NUP98: variants seen among roughly 807,000 people sequenced by gnomAD.
NUP98 encodes nuclear pore complex protein Nup98-Nup96.
In NUP98, 26 loss-of-function variants were observed where a neutral mutation model predicts 191.9. The observed-to-expected ratio is 0.14, with a 90% CI of 0.10 to 0.19. The LOEUF is 0.19. NUP98 is among the 10% of genes least tolerant of loss of function. The pLI is 1.00. For synonymous variants in NUP98, 808 were observed against 778.4 expected, an observed-to-expected ratio of 1.04 and a Z score of -0.63; for missense variants, 1,941 against 2,178.8, an observed-to-expected ratio of 0.89 and a Z score of 2.17.
chr11:3,796,341 T>C (rs2082566094), intron 1 of NUP98, among the ~76,000 whole-genome samples: 2 of 152,212 alleles, frequency 1.3e-5, no homozygotes, highest in Non-Finnish European at 2.9e-5. Context: ...CCAGTACTGT[T>C]ATAAATCCCT....
At chr11:3,730,554 G>C (rs941421229) in intron 14 of NUP98, among the ~76,000 whole-genome samples, 1 of 152,018 alleles carries the variant, frequency 6.6e-6, no homozygotes, top group Non-Finnish European at 1.5e-5. Context: ...AGTAAAGACG[G>C]GGTTTCACCA....
At chr11:3,755,313 A>T (rs572767639) in intron 10 of NUP98, among the ~76,000 whole-genome samples, 132 of 151,768 alleles carry the variant, frequency 8.7e-4, no homozygotes, top group African/African-American at 2.8e-3. Flanking sequence ...AAAAAAAAAA[A>T]ATTAGCTGGC....
At chr11:3,691,796 C>T (rs991045489) in intron 27 of NUP98, among the ~76,000 whole-genome samples, 7 of 152,130 alleles carry the variant, frequency 4.6e-5, no homozygotes, top group Non-Finnish European at 1.0e-4. Flanking sequence ...TCAGGTGATA[C>T]GCCTGCCTTA....
At chr11:3,765,459 G>C (rs377043442) in intron 8 of NUP98, among the ~76,000 whole-genome samples, 85 of 152,162 alleles carry the variant, frequency 5.6e-4, no homozygotes, top group Middle Eastern at 6.8e-3. Context: ...TGTCTAACTA[G>C]GTTTCTTCTA....
intron 12 of NUP98, among the ~76,000 whole-genome samples, chr11:3,742,089 G>C (rs1296992679): frequency 1.3e-5 from 2 of 152,200 alleles, no homozygotes; most frequent in Non-Finnish European, 1.5e-5. Context: ...TGAAGGCCTA[G>C]AGAATAATCA....
chr11:3,701,321 G>A (rs2078671166), intron 23 of NUP98, among the ~76,000 whole-genome samples: 1 of 147,012 alleles, frequency 6.8e-6, no homozygotes, highest in Admixed American at 6.9e-5. Context: ...ATGCAGTAGC[G>A]TGATCTTGGC....
rs1040108 is a variant in NUP98 at position 3,773,205 on chromosome 11, C to A, written c.603+427G>T. ...TCGCTTGAGCTCAGGAGTCTGAGACCGGCCTGAGCAACATAGTGAGACCTC... is the reference window on the plus strand; with the variant it reads ...TCGCTTGAGCTCAGGAGTCTGAGACAGGCCTGAGCAACATAGTGAGACCTC... On this transcript the variant is annotated intron_variant, in intron 6 of 32. Coordinates refer to ENST00000324932, the MANE Select transcript of NUP98 (RefSeq NM_016320.5). Among the ~76,000 whole-genome samples, 610 of 152,022 alleles carry A rather than the reference C, an allele frequency of 4.0e-3. 1 individual carries two copies. Among genetic ancestry groups the A allele is most frequent in the African/African-American group, 0.014 (584 of 41,470 alleles).
chr11:3,745,181 AAATTC>A, intron 11 of NUP98, among the ~76,000 whole-genome samples: 1 of 152,290 alleles, frequency 6.6e-6, no homozygotes, highest in South Asian at 2.1e-4. Flanking sequence ...ATTATTCTTA[AAATTC>A]AATACTTGCA....
chr11:3,788,035 G>A (rs565074876), intron 1 of NUP98, among the ~76,000 whole-genome samples: 104 of 152,068 alleles, frequency 6.8e-4, no homozygotes, highest in African/African-American at 2.2e-3. Context: ...TTCCAACCCC[G>A]ATTACGTAAA....
intron 2 of NUP98, 29 bp from the exon 3 acceptor site, chr11:3,779,286 G>A: frequency 1.3e-6 from 2 of 1,499,326 alleles, no homozygotes; most frequent in South Asian, 1.1e-5. Context: ...GAGTAAATTA[G>A]AATTTAGAAT....
intron 4 of NUP98, among the ~76,000 whole-genome samples, chr11:3,777,269 C>A (rs2081764920): frequency 6.6e-6 from 1 of 152,108 alleles, no homozygotes; most frequent in South Asian, 2.1e-4. Flanking sequence ...AAAAATTACA[C>A]ATAAATGAAT....
At position 3,753,474 on chromosome 11, in the gene NUP98, G is replaced by GT; in HGVS notation, c.1175-67dup. On this transcript the variant is annotated intron_variant, in intron 10 of 32. Transcript: ENST00000324932. ...AACTCTCAATTTCCTCTATAAGGGA[G>GT]TTTAACACAAAGCAGTCTGACTTTA... The GT allele has an allele frequency of 3.2e-6, 4 of 1,241,864 alleles. No homozygotes were observed. The South Asian group carries it at 5.0e-5, about 16-fold the overall frequency. 76.9% of individuals were successfully genotyped at this position (1,241,864 alleles called of 1,614,324 possible).
chr11:3,789,778 A>G (rs2082273689), intron 1 of NUP98, among the ~76,000 whole-genome samples: 1 of 148,366 alleles, frequency 6.7e-6, no homozygotes. Context: ...CCATTTACTT[A>G]TTTTTTATTT....
intron 12 of NUP98, among the ~76,000 whole-genome samples, chr11:3,742,251 C>G (rs1418072465): frequency 6.6e-6 from 1 of 151,958 alleles, no homozygotes; most frequent in Admixed American, 6.6e-5. Context: ...TCAGAAACTC[C>G]AAGGGGAAAA....
chr11:3,746,559 A>G (rs2080508769), intron 11 of NUP98, among the ~76,000 whole-genome samples: 2 of 151,796 alleles, frequency 1.3e-5, no homozygotes, highest in Admixed American at 1.3e-4. Context: ...CTGGACGATG[A>G]CCCATGAATC....
At chr11:3,793,440 A>C (rs901747097) in intron 1 of NUP98, among the ~76,000 whole-genome samples, 5 of 151,714 alleles carry the variant, frequency 3.3e-5, no homozygotes, top group African/African-American at 1.2e-4. Flanking sequence ...GGTGCGTGTC[A>C]CTGTGCCCAA....
chr11:3,759,862 C>T (rs2081105500), intron 10 of NUP98, among the ~76,000 whole-genome samples: 1 of 151,162 alleles, frequency 6.6e-6, no homozygotes, highest in Non-Finnish European at 1.5e-5. Flanking sequence ...TTTTAGAGAC[C>T]TACTTTCACT....
chr11:3,771,072 A>T (rs1386944844), intron 7 of NUP98, among the ~76,000 whole-genome samples: 1 of 152,184 alleles, frequency 6.6e-6, no homozygotes, highest in East Asian at 1.9e-4. Context: ...CATGTTGGCC[A>T]GGCTAGTCTT....
intron 28 of NUP98, among the ~76,000 whole-genome samples, chr11:3,688,820 C>CATATATATATAT (rs71041372): frequency 0.048 from 6,483 of 135,848 alleles, 151 homozygotes; most frequent in South Asian, 0.064. Flanking sequence ...TTTAAATATA[C>CATATATATATAT]ATATATATAT....
Sources: gnomAD v4.1 joint callset for allele counts (sites outside exome capture counted in the v4.1 genomes callset) on GRCh38, gnomAD v4.1.1 for gene constraint, MANE v1.5 for transcripts, NCBI Gene and HGNC (gene_info 2026-07-23, HGNC 2026-07-21) for gene names.